The following LTBP1 variants were observed in gnomAD, a reference collection of about 807,000 sequenced individuals.
LTBP1 encodes latent-transforming growth factor beta-binding protein 1.
Under a neutral mutation model 207.6 loss-of-function variants are expected in LTBP1, and 129 were observed. The ratio of observed to expected loss-of-function variants is 0.62; its 90% confidence interval spans 0.54 to 0.72. The LOEUF (loss-of-function observed/expected upper bound fraction) is 0.72. Among genes scored for constraint, LTBP1 ranks in the 30% least tolerant of loss-of-function variants. LTBP1 has a pLI of 0.00. For missense variants in LTBP1, 2,281 were observed against 2,217.2 expected (o/e 1.03, Z -0.58); for synonymous variants, 963 against 833.7 (o/e 1.16, Z -2.67).
intron 5 of LTBP1, among the ~76,000 whole-genome samples, chr2:33,161,559 G>A (rs535661428): frequency 9.2e-5 from 14 of 152,140 alleles, no homozygotes; most frequent in African/African-American, 2.2e-4. Flanking sequence ...GAGCCACCAC[G>A]CCCGGCCAGG....
intron 2 of LTBP1, among the ~76,000 whole-genome samples, chr2:32,978,332 A>G (rs970652111): frequency 1.3e-5 from 2 of 152,096 alleles, no homozygotes; most frequent in African/African-American, 4.8e-5. Context: ...GTGTGGGTCT[A>G]TCATACAGAC....
intron 3 of LTBP1, among the ~76,000 whole-genome samples, chr2:33,105,698 G>A (rs571230832): frequency 6.6e-6 from 1 of 152,148 alleles, no homozygotes; most frequent in Non-Finnish European, 1.5e-5. Context: ...CTCGCAAAGT[G>A]CTGGGACTAC....
chr2:33,044,605 T>G (rs2076355196), intron 3 of LTBP1, among the ~76,000 whole-genome samples: 2 of 152,250 alleles, frequency 1.3e-5, no homozygotes, highest in Non-Finnish European at 2.9e-5. Flanking sequence ...TAGAATGATT[T>G]ATAATCCTTT....
At chr2:33,174,051 A>G (rs2148502271) in intron 5 of LTBP1, among the ~76,000 whole-genome samples, 1 of 142,102 alleles carries the variant, frequency 7.0e-6, no homozygotes, top group African/African-American at 2.5e-5. Flanking sequence ...CCAATATCAT[A>G]CTGAATGGGC....
intron 15 of LTBP1, among the ~76,000 whole-genome samples, chr2:33,271,280 T>C (rs550390157): frequency 2.0e-5 from 3 of 149,120 alleles, no homozygotes; most frequent in Non-Finnish European, 4.5e-5. Flanking sequence ...TTGCCCTGAA[T>C]ATATTAATTC....
At chr2:33,279,511 GT>G (rs11363257) in intron 18 of LTBP1, among the ~76,000 whole-genome samples, 75,192 of 149,036 alleles carry the variant, frequency 0.5, 19,237 homozygotes, top group Non-Finnish European at 0.52. Context: ...CTCTCCTCAT[GT>G]TTTTTTTTTT....
chr2:33,256,154 T>C (rs1194613987), intron 11 of LTBP1, among the ~76,000 whole-genome samples: 1 of 152,052 alleles, frequency 6.6e-6, no homozygotes, highest in Non-Finnish European at 1.5e-5. Context: ...ACAGAATATC[T>C]CCTTGGCCTC....
chr2:33,211,773 A>C (rs1421102447), intron 7 of LTBP1, among the ~76,000 whole-genome samples: 1 of 152,224 alleles, frequency 6.6e-6, no homozygotes, highest in African/African-American at 2.4e-5. Flanking sequence ...TCTTCAAATC[A>C]TCATTCAGCC....
chr2:33,324,826 T>C (rs1196530353), intron 24 of LTBP1, among the ~76,000 whole-genome samples: 1 of 151,040 alleles, frequency 6.6e-6, no homozygotes, highest in Non-Finnish European at 1.5e-5. Flanking sequence ...CTCACCCTCC[T>C]GAGTAGCTGG....
chr2:33,216,355 T>C (rs2090703113), intron 7 of LTBP1, among the ~76,000 whole-genome samples: 1 of 152,120 alleles, frequency 6.6e-6, no homozygotes, highest in African/African-American at 2.4e-5. Context: ...GGGAGGGTGT[T>C]CCAGCCAGAC....
At chr2:33,361,360 C>A in intron 27 of LTBP1, 69 bp from the exon 28 acceptor site, 5 of 1,029,070 alleles carry the variant, frequency 4.9e-6, no homozygotes, top group Non-Finnish European at 7.3e-6. Flanking sequence ...GAAAGCAAAA[C>A]TGAATTTGAA....
At chr2:33,084,139 A>G (rs1299705415) in intron 3 of LTBP1, among the ~76,000 whole-genome samples, 1 of 152,212 alleles carries the variant, frequency 6.6e-6, no homozygotes, top group Admixed American at 6.5e-5. Context: ...AAAATAGCAG[A>G]CAAAGAAGGC....
At chr2:33,125,485 G>T (rs1219956208) in intron 4 of LTBP1, among the ~76,000 whole-genome samples, 2 of 152,086 alleles carry the variant, frequency 1.3e-5, no homozygotes, top group East Asian at 3.9e-4. Context: ...AAGGGAAGAA[G>T]AACATGTTAT....
chr2:33,347,029 A>C (rs569854430), intron 25 of LTBP1, among the ~76,000 whole-genome samples: 1 of 149,772 alleles, frequency 6.7e-6, no homozygotes, highest in African/African-American at 2.5e-5. Context: ...GAGGCAGGAG[A>C]ATGGCGTGAA....
chr2:33,332,372 CAAAAA>C (rs745342264), intron 24 of LTBP1, among the ~76,000 whole-genome samples: 848 of 52,330 alleles, frequency 0.016, 2 homozygotes, highest in Non-Finnish European at 0.021. Context: ...ACACCATCTC[CAAAAA>C]AAAAAAAAAA....
At chr2:33,218,287 T>A (rs1024127647) in intron 8 of LTBP1, among the ~76,000 whole-genome samples, 6 of 151,978 alleles carry the variant, frequency 3.9e-5, no homozygotes, top group Non-Finnish European at 5.9e-5. Flanking sequence ...CAGAACATGT[T>A]GATTTGAATA....
intron 3 of LTBP1, among the ~76,000 whole-genome samples, chr2:33,057,527 G>C (rs2077062229): frequency 1.3e-5 from 2 of 152,206 alleles, no homozygotes; most frequent in African/African-American, 4.8e-5. Flanking sequence ...ACGGTGGGGT[G>C]GGGGAGACTC....
chr2:33,083,670 CTTT>C (rs2078577520), intron 3 of LTBP1, among the ~76,000 whole-genome samples: 2 of 152,172 alleles, frequency 1.3e-5, no homozygotes, highest in African/African-American at 4.8e-5. Flanking sequence ...TCACCCAAGG[CTTT>C]AGTTCATGGA....
At chr2:32,962,360 G>A (rs879650784) in intron 2 of LTBP1, among the ~76,000 whole-genome samples, 1 of 152,186 alleles carries the variant, frequency 6.6e-6, no homozygotes, top group African/African-American at 2.4e-5. Context: ...GTTATGTTAA[G>A]TTAGTCCAAA....
Sources: allele counts gnomAD v4.1 joint callset (sites outside exome capture counted in the v4.1 genomes callset), GRCh38; gene constraint gnomAD v4.1.1; transcripts MANE v1.5; gene names NCBI Gene and HGNC (gene_info 2026-07-23, HGNC 2026-07-21).